CNTNAP2: variants seen among roughly 807,000 people sequenced by gnomAD.
CNTNAP2 encodes contactin associated protein 2, also known as contactin-associated protein-like 2.
In CNTNAP2, 98 loss-of-function variants were observed where a neutral mutation model predicts 155.2. The ratio of observed to expected loss-of-function variants is 0.63; its 90% CI spans 0.54 to 0.75. The LOEUF is 0.75. Among genes scored for constraint, CNTNAP2 ranks in the 30% least tolerant of loss-of-function variants. CNTNAP2 has a pLI of 0.00. For missense variants in CNTNAP2, 1,727 were observed against 1,688.1 expected (o/e 1.02, Z -0.40); for synonymous variants, 651 against 631.2 (o/e 1.03, Z -0.47).
chr7:148,129,436 G>T (rs1480596188), intron 16 of CNTNAP2, among the ~76,000 whole-genome samples: 1 of 152,112 alleles, frequency 6.6e-6, no homozygotes, highest in Non-Finnish European at 1.5e-5. Flanking sequence ...CTAGGAGGGG[G>T]TGCAAAGGAA....
At chr7:147,776,480 C>T (rs1797587905) in intron 13 of CNTNAP2, among the ~76,000 whole-genome samples, 1 of 152,170 alleles carries the variant, frequency 6.6e-6, no homozygotes, top group Non-Finnish European at 1.5e-5. Context: ...GCTGCCCATG[C>T]ACACACGTGG....
intron 1 of CNTNAP2, among the ~76,000 whole-genome samples, chr7:146,426,715 G>T (rs1031903522): frequency 3.3e-5 from 5 of 150,892 alleles, no homozygotes; most frequent in Non-Finnish European, 5.9e-5. Flanking sequence ...AGATATTGGA[G>T]ACGTGTTGTT....
chr7:148,102,892 A>T (rs1804131819), intron 15 of CNTNAP2, among the ~76,000 whole-genome samples: 1 of 152,186 alleles, frequency 6.6e-6, no homozygotes, highest in African/African-American at 2.4e-5. Context: ...CAGCCTCAGG[A>T]GGTCCTGATG....
intron 3 of CNTNAP2, among the ~76,000 whole-genome samples, chr7:146,913,433 C>T (rs932112481): frequency 7.9e-5 from 12 of 152,088 alleles, no homozygotes; most frequent in Non-Finnish European, 1.8e-4. Context: ...TTATTTCAGG[C>T]TGCTATAACA....
chr7:146,483,302 T>TATATATATATATATATAC (rs1797000777), intron 1 of CNTNAP2, among the ~76,000 whole-genome samples: 2 of 74,344 alleles, frequency 2.7e-5, no homozygotes, highest in Admixed American at 2.7e-4. Context: ...TATATATATA[T>TATATATATATATATATAC]ATATATATAT....
intron 15 of CNTNAP2, among the ~76,000 whole-genome samples, chr7:148,015,320 G>T (rs1240632132): frequency 1.3e-5 from 2 of 152,152 alleles, no homozygotes; most frequent in African/African-American, 4.8e-5. Flanking sequence ...AGCTGAGCTG[G>T]ATCTCCCCAG....
chr7:147,919,459 C>CTTTTTTTTTTTTTTTTTTTTT (rs796710849), intron 14 of CNTNAP2, among the ~76,000 whole-genome samples: 5 of 51,214 alleles, frequency 9.8e-5, no homozygotes, highest in Admixed American at 3.0e-4. Flanking sequence ...CTTTTTCTTT[C>CTTTTTTTTTTTTTTTTTTTTT]TTTTTTTTTT....
intron 13 of CNTNAP2, among the ~76,000 whole-genome samples, chr7:147,655,884 C>A (rs1443456675): frequency 6.6e-6 from 1 of 152,214 alleles, no homozygotes; most frequent in African/African-American, 2.4e-5. Flanking sequence ...TAGATGGCAT[C>A]CTCTTCCAAT....
intron 11 of CNTNAP2, among the ~76,000 whole-genome samples, chr7:147,519,633 T>A (rs1409647615): frequency 1.3e-5 from 2 of 152,074 alleles, no homozygotes; most frequent in African/African-American, 2.4e-5. Flanking sequence ...GAGGCCAAGG[T>A]GGGCGGATTG....
At chr7:147,628,539 G>C (rs950423975) in intron 12 of CNTNAP2, among the ~76,000 whole-genome samples, 1 of 152,014 alleles carries the variant, frequency 6.6e-6, no homozygotes, top group South Asian at 2.1e-4. Flanking sequence ...ATGTCACCAG[G>C]CCTATAAAAC....
intron 1 of CNTNAP2, among the ~76,000 whole-genome samples, chr7:146,563,909 GAGAT>G (rs1405211784): frequency 6.6e-6 from 1 of 152,082 alleles, no homozygotes; most frequent in Non-Finnish European, 1.5e-5. Context: ...TTTGCCCATG[GAGAT>G]ACTACCTGGT....
intron 3 of CNTNAP2, among the ~76,000 whole-genome samples, chr7:146,989,350 CT>C (rs1401165163): frequency 3.3e-5 from 5 of 152,006 alleles, no homozygotes; most frequent in African/African-American, 1.2e-4. Flanking sequence ...GGGACTGAGG[CT>C]TTTGTCTCCA....
chr7:147,020,702 A>C (rs1158901249), intron 3 of CNTNAP2, among the ~76,000 whole-genome samples: 1 of 152,198 alleles, frequency 6.6e-6, no homozygotes, highest in Non-Finnish European at 1.5e-5. Flanking sequence ...TTGTGTCATC[A>C]ACAACAGGTT....
intron 10 of CNTNAP2, among the ~76,000 whole-genome samples, chr7:147,459,296 G>A (rs1797975922): frequency 6.6e-6 from 1 of 152,126 alleles, no homozygotes; most frequent in African/African-American, 2.4e-5. Flanking sequence ...TCCACATTCT[G>A]CTTGAAAGCT....
intron 10 of CNTNAP2, among the ~76,000 whole-genome samples, chr7:147,468,852 T>TC (rs1563216213): frequency 2.0e-4 from 29 of 146,528 alleles, no homozygotes; most frequent in African/African-American, 4.3e-4. Flanking sequence ...TTTTTTTTTT[T>TC]TCCCCCCAGA....
intron 1 of CNTNAP2, among the ~76,000 whole-genome samples, chr7:146,717,608 A>G (rs983390792): frequency 2.0e-5 from 3 of 151,698 alleles, no homozygotes; most frequent in Non-Finnish European, 2.9e-5. Context: ...TGGCACTGCC[A>G]TTGGTCATCC....
chr7:147,498,297 A>G (rs1371901638), intron 11 of CNTNAP2, among the ~76,000 whole-genome samples: 1 of 152,142 alleles, frequency 6.6e-6, no homozygotes, highest in African/African-American at 2.4e-5. Context: ...GTGATGGATG[A>G]TGAAAGTGCA....
intron 1 of CNTNAP2, among the ~76,000 whole-genome samples, chr7:146,507,107 G>A (rs969003976): frequency 1.3e-5 from 2 of 152,126 alleles, no homozygotes; most frequent in African/African-American, 4.8e-5. Flanking sequence ...CCAGTCTGGG[G>A]TTCATTACCC....
intron 15 of CNTNAP2, among the ~76,000 whole-genome samples, chr7:148,037,306 TA>T (rs1289854258): frequency 6.6e-6 from 1 of 152,202 alleles, no homozygotes; most frequent in Non-Finnish European, 1.5e-5. Context: ...AAGAATTATT[TA>T]AAAGGAGCAG....
Sources: gnomAD v4.1 joint callset for allele counts (sites outside exome capture counted in the v4.1 genomes callset) on GRCh38, gnomAD v4.1.1 for gene constraint, MANE v1.5 for transcripts, NCBI Gene and HGNC (gene_info 2026-07-23, HGNC 2026-07-21) for gene names.